NTRK3: variants seen among roughly 807,000 people sequenced by gnomAD.
NTRK3 encodes NT-3 growth factor receptor.
A neutral mutation model predicts 91.7 loss-of-function variants in NTRK3; 24 were observed. The observed-to-expected ratio is 0.26, with a 90% confidence interval of 0.19 to 0.37. The LOEUF (loss-of-function observed/expected upper bound fraction) is 0.37. Among genes scored for constraint, NTRK3 ranks in the 10% least tolerant of loss-of-function variants. The pLI is 1.00. For synonymous variants in NTRK3, 483 were observed against 404.0 expected (o/e 1.20, Z -2.34); for missense variants, 880 against 1,068.9 (o/e 0.82, Z 2.46).
intron 3 of NTRK3, among the ~76,000 whole-genome samples, chr15:88,223,200 G>T (rs1199490345): frequency 1.3e-5 from 2 of 152,264 alleles, no homozygotes; most frequent in African/African-American, 2.4e-5. Flanking sequence ...GACAGTGACT[G>T]CTTCCAAATC....
intron 3 of NTRK3, among the ~76,000 whole-genome samples, chr15:88,232,580 T>G (rs2051305059): frequency 6.6e-6 from 1 of 152,200 alleles, no homozygotes; most frequent in African/African-American, 2.4e-5. Flanking sequence ...TCATTGGTCA[T>G]TTGGGCAATT....
chr15:88,045,543 C>A (rs888440160), intron 13 of NTRK3, among the ~76,000 whole-genome samples: 3 of 152,236 alleles, frequency 2.0e-5, no homozygotes, highest in Non-Finnish European at 4.4e-5. Context: ...GGCATTGCCT[C>A]TCCAAAGCTG....
chr15:88,182,545 G>T (rs569332636), intron 5 of NTRK3, among the ~76,000 whole-genome samples: 32 of 152,102 alleles, frequency 2.1e-4, no homozygotes, highest in Non-Finnish European at 4.3e-4. Context: ...AAAGGCAATA[G>T]ACCCCTCCCC....
chr15:88,096,093 A>G (rs1356726003), intron 13 of NTRK3, among the ~76,000 whole-genome samples: 1 of 152,166 alleles, frequency 6.6e-6, no homozygotes, highest in African/African-American at 2.4e-5. Flanking sequence ...AGCCAAAGTG[A>G]CTTTGCTCCC....
At chr15:88,219,830 C>T (rs2050090527) in intron 3 of NTRK3, among the ~76,000 whole-genome samples, 1 of 152,210 alleles carries the variant, frequency 6.6e-6, no homozygotes, top group Non-Finnish European at 1.5e-5. Flanking sequence ...GCTCTCTGCA[C>T]CCCTCTGAGA....
intron 13 of NTRK3, chr15:88,098,778 G>T: frequency 4.3e-6 from 1 of 233,046 alleles, no homozygotes; most frequent in Non-Finnish European, 8.5e-6. Flanking sequence ...AAAGGAACAT[G>T]GGAGAGATGG....
intron 16 of NTRK3, among the ~76,000 whole-genome samples, chr15:87,931,491 C>T (rs977784645): frequency 2.0e-5 from 3 of 152,204 alleles, no homozygotes; most frequent in Admixed American, 1.3e-4. Flanking sequence ...ATAGCAACAA[C>T]CCCGTGAAGC....
chr15:88,108,296 A>T (rs1555506272), intron 13 of NTRK3, among the ~76,000 whole-genome samples: 1 of 152,232 alleles, frequency 6.6e-6, no homozygotes, highest in Non-Finnish European at 1.5e-5. Flanking sequence ...GTCAGGAAGT[A>T]AGAGTCACTG....
At chr15:88,221,089 A>G (rs988016644) in intron 3 of NTRK3, among the ~76,000 whole-genome samples, 2 of 152,220 alleles carry the variant, frequency 1.3e-5, no homozygotes, top group Non-Finnish European at 2.9e-5. Context: ...AAGAAACTCT[A>G]TTGCTGGTGG....
intron 13 of NTRK3, among the ~76,000 whole-genome samples, chr15:88,080,299 T>C (rs989589837): frequency 7.9e-5 from 12 of 152,326 alleles, no homozygotes; most frequent in African/African-American, 2.6e-4. Context: ...ACAAGCCCTC[T>C]GGTAAAGTTG....
At chr15:87,901,284 T>G (rs2066439353) in intron 17 of NTRK3, among the ~76,000 whole-genome samples, 2 of 152,080 alleles carry the variant, frequency 1.3e-5, no homozygotes, top group Admixed American at 1.3e-4. Flanking sequence ...AGTTGGAGAG[T>G]TGTTATTCAA....
intron 13 of NTRK3, among the ~76,000 whole-genome samples, chr15:88,098,324 A>T (rs1208363629): frequency 6.6e-6 from 1 of 152,248 alleles, no homozygotes; most frequent in Non-Finnish European, 1.5e-5. Flanking sequence ...TTGACGTAGC[A>T]TCTACCAAAA....
intron 14 of NTRK3, among the ~76,000 whole-genome samples, chr15:87,970,281 G>T (rs1170474299): frequency 6.6e-6 from 1 of 152,188 alleles, no homozygotes; most frequent in East Asian, 1.9e-4. Flanking sequence ...TATGTGAAAT[G>T]ACTTACCATT....
rs143408750 is a variant in NTRK3, at chr15:88,152,216, G to A, written c.396-4813C>T. Among the ~76,000 whole-genome samples the A allele has an allele frequency of 2.7e-3, 407 of 152,222 alleles. 7 individuals are homozygous for A. In the East Asian group the frequency reaches 0.032, roughly 12 times the overall value. ...CTTGGGAGACTGAGACAGGAGAATC[G>A]CTTGAACCCAGGAGGTGGAAGTTGC... is the stretch of plus-strand genomic sequence containing the variant. On this transcript the variant is annotated intron_variant, in intron 5 of 18. Transcript: ENST00000394480.
chr15:88,190,081 A>G (rs2047269062), intron 3 of NTRK3, among the ~76,000 whole-genome samples: 1 of 152,116 alleles, frequency 6.6e-6, no homozygotes, highest in Non-Finnish European at 1.5e-5. Flanking sequence ...GCAAGACAGG[A>G]ACTCGGTCGG....
intron 5 of NTRK3, among the ~76,000 whole-genome samples, chr15:88,176,825 C>T (rs564746327): frequency 1.3e-5 from 2 of 152,256 alleles, no homozygotes; most frequent in Admixed American, 6.5e-5. Context: ...TCTTAAATAG[C>T]TGAATGAGAT....
intron 5 of NTRK3, among the ~76,000 whole-genome samples, chr15:88,156,709 C>T (rs1319273606): frequency 3.3e-5 from 5 of 152,286 alleles, no homozygotes; most frequent in Admixed American, 1.3e-4. Context: ...TCTTGGGCCT[C>T]GACTGTCACA....
chr15:87,968,485 G>A (rs2072978839), intron 14 of NTRK3, among the ~76,000 whole-genome samples: 1 of 151,962 alleles, frequency 6.6e-6, no homozygotes, highest in Non-Finnish European at 1.5e-5. Context: ...GTGTCACTGT[G>A]ACATTTTAAC....
chr15:88,059,612 C>T (rs2046026613), intron 13 of NTRK3, among the ~76,000 whole-genome samples: 1 of 152,152 alleles, frequency 6.6e-6, no homozygotes, highest in Admixed American at 6.5e-5. Flanking sequence ...GAACATGCTG[C>T]CGGGAAGTTT....
Sources: gnomAD v4.1 joint callset for allele counts (sites outside exome capture counted in the v4.1 genomes callset) on GRCh38, gnomAD v4.1.1 for gene constraint, MANE v1.5 for transcripts, NCBI Gene and HGNC (gene_info 2026-07-23, HGNC 2026-07-21) for gene names.